Variants in FRMD4B observed in about 807,000 individuals in gnomAD.
The protein encoded by FRMD4B is FERM domain-containing protein 4B.
A neutral mutation model predicts 141.5 loss-of-function variants in FRMD4B; 74 were observed. The observed-to-expected ratio is 0.52, with a 90% confidence interval of 0.43 to 0.63. The LOEUF (loss-of-function observed/expected upper bound fraction) is 0.63. Among genes scored for constraint, FRMD4B ranks in the 30% least tolerant of loss-of-function variants. The pLI is 0.00. For missense variants in FRMD4B, 1,366 were observed against 1,253.4 expected, an observed-to-expected ratio of 1.09 and a Z score of -1.36; for synonymous variants, 506 against 467.9, an observed-to-expected ratio of 1.08 and a Z score of -1.05.
At chr3:69,174,319 T>C (rs973730180) in intron 22 of FRMD4B, among the ~76,000 whole-genome samples, 2 of 152,184 alleles carry the variant, frequency 1.3e-5, no homozygotes, top group African/African-American at 4.8e-5. Flanking sequence ...CATGGGAACA[T>C]GGTTATGTTA....
intron 1 of FRMD4B, among the ~76,000 whole-genome samples, chr3:69,506,145 C>T (rs148669110): frequency 1.3e-5 from 2 of 152,260 alleles, no homozygotes; most frequent in Admixed American, 6.5e-5. Flanking sequence ...ATTCTTTGTA[C>T]AAAGACCATC....
At chr3:69,391,423 G>A (rs1360179064) in intron 2 of FRMD4B, among the ~76,000 whole-genome samples, 4 of 108,228 alleles carry the variant, frequency 3.7e-5, no homozygotes, top group East Asian at 2.6e-4. Flanking sequence ...GACAGGCCCC[G>A]GAGTGTGATG....
At chr3:69,223,715 T>A (rs941394608) in intron 8 of FRMD4B, among the ~76,000 whole-genome samples, 1 of 151,998 alleles carries the variant, frequency 6.6e-6, no homozygotes, top group Non-Finnish European at 1.5e-5. Context: ...GGAGGGTGCC[T>A]GTAATCCTTG....
intron 4 of FRMD4B, among the ~76,000 whole-genome samples, chr3:69,299,872 T>C (rs1701156274): frequency 6.6e-6 from 1 of 152,202 alleles, no homozygotes. Context: ...TTCCAGTGCA[T>C]GCAGCAGTAC....
chr3:69,353,862 C>A (rs1703237638), intron 1 of FRMD4B, among the ~76,000 whole-genome samples: 1 of 152,200 alleles, frequency 6.6e-6, no homozygotes, highest in African/African-American at 2.4e-5. Flanking sequence ...TTTCTTTTGG[C>A]CACTCAAACG....
intron 1 of FRMD4B, among the ~76,000 whole-genome samples, chr3:69,505,158 C>A (rs1706575204): frequency 6.6e-6 from 1 of 151,996 alleles, no homozygotes; most frequent in Admixed American, 6.6e-5. Context: ...TTGCTTGAGG[C>A]CTGGAGTTAG....
chr3:69,359,323 C>G (rs759315022), intron 1 of FRMD4B, among the ~76,000 whole-genome samples: 1 of 152,156 alleles, frequency 6.6e-6, no homozygotes, highest in Non-Finnish European at 1.5e-5. Context: ...TAGTTGGTTT[C>G]AGGACCATTT....
intron 13 of FRMD4B, 73 bp downstream of exon 13, chr3:69,196,827 G>C: frequency 1.8e-6 from 2 of 1,137,486 alleles, no homozygotes; most frequent in Non-Finnish European, 1.3e-6. Context: ...TGCATCTTTT[G>C]TGAGAAGGCT....
intron 14 of FRMD4B, among the ~76,000 whole-genome samples, 185 bp from the exon 15 acceptor site, chr3:69,195,549 C>A (rs897474966): frequency 1.3e-5 from 2 of 152,116 alleles, no homozygotes; most frequent in Non-Finnish European, 2.9e-5. Context: ...CAAACAGAAC[C>A]TGGTAATAAA....
At chr3:69,423,699 C>G (rs925108142) in intron 2 of FRMD4B, among the ~76,000 whole-genome samples, 5 of 152,074 alleles carry the variant, frequency 3.3e-5, no homozygotes, top group Non-Finnish European at 5.9e-5. Flanking sequence ...GGGATTAGTG[C>G]CCTCATGAAA....
At chr3:69,248,776 T>A (rs1206847327) in intron 7 of FRMD4B, among the ~76,000 whole-genome samples, 1 of 152,252 alleles carries the variant, frequency 6.6e-6, no homozygotes, top group African/African-American at 2.4e-5. Flanking sequence ...TTAGGTCAAG[T>A]GTATGAAGGG....
At chr3:69,286,939 G>A (rs1029361389) in intron 5 of FRMD4B, among the ~76,000 whole-genome samples, 1 of 152,118 alleles carries the variant, frequency 6.6e-6, no homozygotes, top group African/African-American at 2.4e-5. Context: ...CGAGTAGCTG[G>A]GATTACAGGG....
chr3:69,508,313 C>T (rs954885344), intron 1 of FRMD4B, among the ~76,000 whole-genome samples: 2 of 152,092 alleles, frequency 1.3e-5, no homozygotes, highest in African/African-American at 4.8e-5. Flanking sequence ...AAGAAGTGCT[C>T]CTATATTTTG....
At chr3:69,217,412 G>A (rs2107732280) in intron 10 of FRMD4B, among the ~76,000 whole-genome samples, 1 of 152,250 alleles carries the variant, frequency 6.6e-6, no homozygotes, top group Non-Finnish European at 1.5e-5. Context: ...CCTGAGGTCA[G>A]GAGTTCAAGA....
chr3:69,330,992 T>C (rs1004979664), intron 1 of FRMD4B, among the ~76,000 whole-genome samples: 2 of 152,246 alleles, frequency 1.3e-5, no homozygotes, highest in Non-Finnish European at 2.9e-5. Flanking sequence ...GTTCCTGCTC[T>C]ATTCTAATCT....
At chr3:69,479,929 C>T (rs1706088338) in intron 1 of FRMD4B, among the ~76,000 whole-genome samples, 1 of 152,114 alleles carries the variant, frequency 6.6e-6, no homozygotes, top group South Asian at 2.1e-4. Context: ...TTTCTCTAAA[C>T]TTCCCTTCTC....
intron 22 of FRMD4B, among the ~76,000 whole-genome samples, chr3:69,174,894 C>T (rs969780923): frequency 6.6e-6 from 1 of 152,072 alleles, no homozygotes; most frequent in Non-Finnish European, 1.5e-5. Flanking sequence ...AATTTTAGGC[C>T]AGTCATTTTG....
chr3:69,429,113 G>A (rs1705134699), intron 2 of FRMD4B, among the ~76,000 whole-genome samples: 1 of 152,172 alleles, frequency 6.6e-6, no homozygotes, highest in Non-Finnish European at 1.5e-5. Flanking sequence ...AAAGGTCAGA[G>A]TGTTCTATTA....
Position 69,196,335 on chromosome 3 carries a change from G to T in FRMD4B, c.1154C>A (p.Thr385Lys), listed in dbSNP as rs2092903694. 37 of 1,610,894 alleles carry T rather than the reference G, an allele frequency of 2.3e-5. No individual in the cohort carries two copies. The highest frequency in any genetic ancestry group is 3.1e-5 in the Non-Finnish European group (37 of 1,178,294). The change falls in exon 14 of 23, where the codon ACA (threonine) becomes AAA (lysine). Residue 385 changes from threonine to lysine, a missense_variant. By Grantham distance (78) the Thr-to-Lys change is moderately conservative (BLOSUM62 -1). Transcript: ENST00000398540. ...TGTCACCAGCTTGGAGGCCCTTTGT[G>T]TTCCTGTCTCTGTCAAATCCATTGC... ...EIAMDLTETG[T>K]QRASKLVTLE...
Sources: allele counts gnomAD v4.1 joint callset (sites outside exome capture counted in the v4.1 genomes callset), GRCh38; gene constraint gnomAD v4.1.1; transcripts MANE v1.5; gene names NCBI Gene and HGNC (gene_info 2026-07-23, HGNC 2026-07-21).